Variants in AGMO observed in about 807,000 individuals in gnomAD.
The protein encoded by AGMO is glyceryl-ether monooxygenase.
Under a neutral mutation model 60.2 loss-of-function variants are expected in AGMO, and 75 were observed. The ratio of observed to expected loss-of-function variants is 1.25; its 90% CI spans 1.03 to 1.51. AGMO has a LOEUF of 1.51. Among genes scored for constraint, AGMO ranks in the 40% most tolerant of loss-of-function variants. AGMO has a pLI of 0.00. For missense variants in AGMO, 763 were observed against 525.5 expected (o/e 1.45, Z -4.42); for synonymous variants, 261 against 177.1 (o/e 1.47, Z -3.76).
At chr7:15,392,805 AACAAAC>A (rs1562482826) in intron 6 of AGMO, among the ~76,000 whole-genome samples, 12 of 62,562 alleles carry the variant, frequency 1.9e-4, no homozygotes, top group East Asian at 3.8e-4. Flanking sequence ...TCTCAAAACA[AACAAAC>A]AAACAAACAA....
the AGMO span, among the ~76,000 whole-genome samples, chr7:15,177,502 C>A: frequency 6.6e-6 from 1 of 152,024 alleles, no homozygotes; most frequent in Non-Finnish European, 1.5e-5. Flanking sequence ...AACACTTTTT[C>A]TTGATTCACA....
the AGMO span, among the ~76,000 whole-genome samples, chr7:15,195,262 A>G: frequency 2.3e-4 from 35 of 152,314 alleles, no homozygotes; most frequent in African/African-American, 8.2e-4. Context: ...TGGAAACACA[A>G]AAGAAGTGAG....
At chr7:15,485,402 T>C (rs1782890317) in intron 3 of AGMO, among the ~76,000 whole-genome samples, 1 of 151,968 alleles carries the variant, frequency 6.6e-6, no homozygotes, top group African/African-American at 2.4e-5. Flanking sequence ...ACAAAAGTGA[T>C]TGTCAACAAT....
rs544288720 is a variant in AGMO at position 15,560,621 on chromosome 7, A to T, written c.127-350T>A. 3.3e-3 allele frequency among the ~76,000 whole-genome samples: 503 copies of T among 152,318 alleles called. 4 individuals carry two copies. Among genetic ancestry groups the T allele is most frequent in the African/African-American group, 0.011 (474 of 41,592 alleles). On this transcript the variant is annotated intron_variant, in intron 1 of 12. Transcript: ENST00000342526. ...ATAATTAGAGGTCTATTGTCTCTAC[A>T]TGTATAATTTAGACCCACTTCAAGA... is the stretch of plus-strand genomic sequence containing the variant.
rs140554642 is a variant in AGMO at position 15,323,180 on chromosome 7, T to C, written c.1263+42334A>G. 4.1e-3 allele frequency among the ~76,000 whole-genome samples: 630 copies of C among 152,122 alleles called. 1 individual carries two copies. Among genetic ancestry groups the C allele is most frequent in the African/African-American group, 0.014 (562 of 41,516 alleles). On this transcript the variant is annotated intron_variant, in intron 12 of 12. Transcript: ENST00000342526. The stretch of plus-strand genomic sequence containing the variant: ...ATATAAAGAGATGATAAGCGAATGA[T>C]CTTGTTTCTCACAGTGCAGATGAAG...
chr7:15,218,648 A>G (rs1320485120), intron 12 of AGMO, among the ~76,000 whole-genome samples: 1 of 152,086 alleles, frequency 6.6e-6, no homozygotes, highest in African/African-American at 2.4e-5. Flanking sequence ...ATATAGTTTA[A>G]AAATACTTAT....
chr7:15,398,880 T>C (rs1784478376), intron 5 of AGMO, among the ~76,000 whole-genome samples: 1 of 152,172 alleles, frequency 6.6e-6, no homozygotes, highest in South Asian at 2.1e-4. Context: ...GAATAAGCCA[T>C]AAAGCCTTTC....
At chr7:15,182,078 C>T in the AGMO span, among the ~76,000 whole-genome samples, 1 of 151,996 alleles carries the variant, frequency 6.6e-6, no homozygotes, top group African/African-American at 2.4e-5. Flanking sequence ...AAAAATTATG[C>T]TAAGTGAAAT....
At chr7:15,306,251 G>C (rs1372744539) in intron 12 of AGMO, 1 of 236,936 alleles carries the variant, frequency 4.2e-6, no homozygotes, top group Non-Finnish European at 8.5e-6. Context: ...CATTTTTGAA[G>C]GTCTTTTTTT....
intron 8 of AGMO, among the ~76,000 whole-genome samples, chr7:15,387,904 CTTT>C (rs11437914): frequency 0.037 from 5,088 of 137,612 alleles, 258 homozygotes; most frequent in African/African-American, 0.12. Context: ...GACACATTCT[CTTT>C]TTTTTTTTTT....
chr7:15,247,414 TCACACACACACACACACACA>T (rs71525649), intron 12 of AGMO, among the ~76,000 whole-genome samples: 24 of 123,730 alleles, frequency 1.9e-4, no homozygotes, highest in African/African-American at 6.4e-4. Context: ...CTTGGAGATT[TCACACACACACACACACACA>T]CACACACACA....
At chr7:15,149,329 C>T in the AGMO span, among the ~76,000 whole-genome samples, 3 of 152,064 alleles carry the variant, frequency 2.0e-5, no homozygotes, top group East Asian at 5.8e-4. Context: ...AATTAGGCCC[C>T]ACTTATCTAT....
chr7:15,230,039 T>C (rs537948120), intron 12 of AGMO, among the ~76,000 whole-genome samples: 45 of 152,022 alleles, frequency 3.0e-4, no homozygotes, highest in African/African-American at 1.0e-3. Flanking sequence ...TAATTTCTTA[T>C]TTTAAAACAA....
intron 12 of AGMO, among the ~76,000 whole-genome samples, chr7:15,317,946 C>T (rs1021165134): frequency 1.0e-4 from 15 of 147,118 alleles, no homozygotes; most frequent in Admixed American, 3.4e-4. Flanking sequence ...TATATACACA[C>T]ACACACACTA....
chr7:15,483,339 G>C (rs1782812440), intron 3 of AGMO, among the ~76,000 whole-genome samples: 1 of 152,138 alleles, frequency 6.6e-6, no homozygotes, highest in Admixed American at 6.6e-5. Flanking sequence ...GGCCGAGGCG[G>C]GCGGATCACG....
intron 12 of AGMO, among the ~76,000 whole-genome samples, chr7:15,309,053 T>C (rs923904976): frequency 2.6e-5 from 4 of 152,098 alleles, no homozygotes; most frequent in African/African-American, 9.7e-5. Flanking sequence ...GCTGAAACCA[T>C]TTGCTCCATC....
chr7:15,350,511 TAG>T (rs1315301286), intron 12 of AGMO, among the ~76,000 whole-genome samples: 1 of 152,130 alleles, frequency 6.6e-6, no homozygotes, highest in Non-Finnish European at 1.5e-5. Context: ...CTCTTATATT[TAG>T]AGAGCTTACA....
intron 3 of AGMO, among the ~76,000 whole-genome samples, chr7:15,510,413 A>G (rs1783638868): frequency 6.6e-6 from 1 of 151,814 alleles, no homozygotes; most frequent in Admixed American, 6.6e-5. Flanking sequence ...CCTGGGCTCA[A>G]ACAATCCTCT....
chr7:15,164,052 A>G, the AGMO span, among the ~76,000 whole-genome samples: 1 of 152,176 alleles, frequency 6.6e-6, no homozygotes, highest in East Asian at 1.9e-4. Context: ...AAATAGACAC[A>G]TAGATGAATA....
Sources: allele counts gnomAD v4.1 joint callset (sites outside exome capture counted in the v4.1 genomes callset), GRCh38; gene constraint gnomAD v4.1.1; transcripts MANE v1.5; gene names NCBI Gene and HGNC (gene_info 2026-07-23, HGNC 2026-07-21).